LRP2BP: variants seen among roughly 807,000 people sequenced by gnomAD.
LRP2BP encodes LRP2-binding protein.
Under a neutral mutation model 45.2 loss-of-function variants are expected in LRP2BP, and 38 were observed. That is an observed-to-expected ratio of 0.84 (90% CI 0.65 to 1.10). The LOEUF is 1.10. LRP2BP is among the 50% of genes least tolerant of loss of function. The pLI is 0.00. For missense variants in LRP2BP, 385 were observed against 418.9 expected (o/e 0.92, Z 0.71); for synonymous variants, 153 against 153.9 (o/e 0.99, Z 0.04).
chr4:185,373,268 C>T (rs952685264), intron 6 of LRP2BP, among the ~76,000 whole-genome samples, 189 bp from the exon 7 acceptor site: 4 of 152,172 alleles, frequency 2.6e-5, no homozygotes, highest in South Asian at 2.1e-4. Context: ...CGAGTTCCTC[C>T]GCTGTCTGTC....
Position 185,372,962 on chromosome 4 carries a change from A to G in LRP2BP, c.697T>C (p.Cys233Arg), listed in dbSNP as rs1417571570. ...IRQDTEAALQ[C>R]LREAAERGNV... Reference sequence around the variant, plus strand: ...CCGCGTTCTGCTGCTTCTCTTAAGCACTGCAGGGCAGCTTCCGTATCCTGC... The same window carrying G: ...CCGCGTTCTGCTGCTTCTCTTAAGCGCTGCAGGGCAGCTTCCGTATCCTGC... Residue 233 changes from cysteine to arginine, a missense_variant, in exon 7 of 9, where the codon TGC (cysteine) becomes CGC (arginine). By Grantham distance (180) the Cys-to-Arg change is radical. Transcript: ENST00000505916. 6.2e-7 allele frequency: 1 copy of G among 1,613,884 alleles called. No homozygotes were observed. Among genetic ancestry groups the G allele is most frequent in the Non-Finnish European group, 8.5e-7 (1 of 1,179,856 alleles).
chr4:185,393,463 CAACT>C (rs1185431479), intron 1 of LRP2BP, among the ~76,000 whole-genome samples: 1 of 151,612 alleles, frequency 6.6e-6, no homozygotes, highest in Admixed American at 6.6e-5. Flanking sequence ...TCGGTTCCAC[CAACT>C]ACTTTTAATA....
chr4:185,371,314 C>T lies in LRP2BP; in HGVS notation c.804-500G>A, dbSNP rs570835665. ...CAGCACTTTGGGAGGCCAAGGCAGG[C>T]GGATCACGAGGTTAGGAGATTGAGA... On this transcript the variant is annotated intron_variant, in intron 7 of 8. Coordinates refer to ENST00000505916, the MANE Select transcript of LRP2BP (RefSeq NM_001377440.1). 2.4e-3 allele frequency among the ~76,000 whole-genome samples: 363 copies of T among 151,994 alleles called. 1 individual carries two copies. The highest frequency in any genetic ancestry group is 8.0e-3 in the African/African-American group (333 of 41,464).
At chr4:185,386,971 T>C (rs2095473538) in intron 1 of LRP2BP, among the ~76,000 whole-genome samples, 1 of 152,098 alleles carries the variant, frequency 6.6e-6, no homozygotes, top group Non-Finnish European at 1.5e-5. Context: ...GTTGGCAGGG[T>C]GCAGTGGCTC....
Position 185,370,773 on chromosome 4 carries a change from GC to G in LRP2BP, c.844del (p.Ala282ProfsTer49). 1 of 1,614,134 alleles carries G rather than the reference GC, an allele frequency of 6.2e-7. No individual in the cohort carries two copies. The highest frequency in any genetic ancestry group is 8.5e-7 in the Non-Finnish European group (1 of 1,180,014). On this transcript the variant is annotated frameshift_variant, in exon 8 of 9. Transcript: ENST00000505916. LOFTEE classifies it high-confidence loss of function. ...CTCCGGGAGACAGTCTGTGACCTGG[GC>G]GATCATGGGGATGTCGTGAACCTCA... ...YDEVHDIPMI[A>X]QVTDCLPEFI...
Position 185,378,352 on chromosome 4 carries a change from G to A in LRP2BP, c.-21-145C>T, listed in dbSNP as rs774787719. The A allele has an allele frequency of 1.1e-4, 153 of 1,431,298 alleles. 1 individual carries two copies. Among genetic ancestry groups the A allele is most frequent in the South Asian group, 6.1e-4 (39 of 64,458 alleles). 88.7% of individuals were successfully genotyped at this position (1,431,298 alleles called of 1,614,324 possible). On this transcript the variant is annotated intron_variant, in intron 1 of 8. Transcript: ENST00000505916. ...GAACACCAACCACCAACTCCAGGAC[G>A]TGAACATTCTTTACTAGGACACCAA...
intron 4 of LRP2BP, 42 bp downstream of exon 4, chr4:185,375,571 G>A: frequency 1.1e-6 from 1 of 951,674 alleles, no homozygotes; most frequent in Non-Finnish European, 1.5e-6. Flanking sequence ...ATAATCCACT[G>A]ACAATGAAAT....
At chr4:185,396,791 G>A, upstream of LRP2BP, 1 of 988,202 alleles carries the variant, frequency 1.0e-6, no homozygotes, top group Non-Finnish European at 1.6e-6. Context: ...GCCAAGGGCC[G>A]GCCCGGAAGT....
chr4:185,370,007 T>C, intron 8 of LRP2BP: 1 of 201,168 alleles, frequency 5.0e-6, no homozygotes, highest in South Asian at 7.9e-5. Context: ...GTGATGGACC[T>C]AAGATGTGCA....
chr4:185,397,155 T>C, upstream of LRP2BP: 6 of 1,613,414 alleles, frequency 3.7e-6, no homozygotes, highest in Non-Finnish European at 5.1e-6. Context: ...TGCAGGTGGA[T>C]GGTCTGAAGC....
intron 1 of LRP2BP, among the ~76,000 whole-genome samples, chr4:185,386,806 C>T (rs1054541447): frequency 2.0e-5 from 3 of 152,160 alleles, no homozygotes; most frequent in Non-Finnish European, 4.4e-5. Context: ...CTAGTGGTGA[C>T]AAGCTGAGGC....
intron 4 of LRP2BP, 113 bp downstream of exon 4, chr4:185,375,500 A>ATATATATG (rs1554018419): frequency 1.6e-5 from 1 of 61,284 alleles, no homozygotes; most frequent in South Asian, 6.0e-4. Context: ...ATATATATAT[A>ATATATATG]TATATATATA....
chr4:185,391,702 C>G (rs775007380), intron 1 of LRP2BP, among the ~76,000 whole-genome samples: 4 of 152,182 alleles, frequency 2.6e-5, no homozygotes, highest in African/African-American at 9.6e-5. Context: ...TCTGGTACTA[C>G]ACGATGCTCT....
At chr4:185,391,766 G>C (rs149221584) in intron 1 of LRP2BP, among the ~76,000 whole-genome samples, 1 of 152,264 alleles carries the variant, frequency 6.6e-6, no homozygotes, top group Non-Finnish European at 1.5e-5. Context: ...ATGTCTGCAA[G>C]GAGCCCTGGT....
At chr4:185,387,904 G>C (rs887253389) in intron 1 of LRP2BP, among the ~76,000 whole-genome samples, 3 of 152,182 alleles carry the variant, frequency 2.0e-5, no homozygotes, top group African/African-American at 7.2e-5. Flanking sequence ...TGGAATGAAG[G>C]CCTCTGGATA....
Position 185,365,705 on chromosome 4 carries a change from T to C in LRP2BP, c.*1475A>G, listed in dbSNP as rs191134286. ...AAAAAAAAAAAAATAATAATAATAATAATAATAATAATCTTTAGGAACTGG... is the reference window on the plus strand; with the variant it reads ...AAAAAAAAAAAAATAATAATAATAACAATAATAATAATCTTTAGGAACTGG... On this transcript the variant is annotated 3_prime_UTR_variant, in exon 9 of 9. Coordinates refer to ENST00000505916, the MANE Select transcript of LRP2BP (RefSeq NM_001377440.1). The C allele has an allele frequency of 1.4e-5, 2 of 144,314 alleles. No individual in the cohort carries two copies. Among genetic ancestry groups the C allele is most frequent in the Non-Finnish European group, 1.5e-5 (1 of 65,898 alleles). 8.9% of individuals were successfully genotyped at this position (144,314 alleles called of 1,614,324 possible).
At position 185,392,401 on chromosome 4, in the gene LRP2BP, A is replaced by G. The variant is rs562351500; in HGVS notation, c.-22+2378T>C. 7.2e-5 allele frequency among the ~76,000 whole-genome samples: 11 copies of G among 152,316 alleles called. No individual in the cohort carries two copies. In the South Asian group the frequency reaches 2.3e-3, roughly 32 times the overall value. ...TATCCTGTTGCAGCAGTTGTTTAGA[A>G]TAACTATCCAATTTATCATCTTCCC... On this transcript the variant is annotated intron_variant, in intron 1 of 8. Transcript: ENST00000505916.
Position 185,374,170 on chromosome 4 carries a change from A to G in LRP2BP, c.544T>C (p.Tyr182His). 6 of 1,614,162 alleles carry G rather than the reference A, an allele frequency of 3.7e-6. No individual in the cohort carries two copies. Among genetic ancestry groups the G allele is most frequent in the Non-Finnish European group, 5.1e-6 (6 of 1,180,020 alleles). ...SVKAQSMLGL[Y>H]YSTKEPKELE... ...TCCTTGGGCTCCTTGGTTGAGTAAT[A>G]CAGCCCGAGCATACTTTGAGCCTTC... is the stretch of plus-strand genomic sequence containing the variant. The change falls in exon 6 of 9, where the codon TAT (tyrosine) becomes CAT (histidine). Residue 182 changes from tyrosine (Y) to histidine (H), a missense_variant. Physicochemically the swap from Tyr to His is moderately conservative, Grantham distance 83. Transcript: ENST00000505916.
intron 1 of LRP2BP, among the ~76,000 whole-genome samples, chr4:185,390,139 G>T (rs147187442): frequency 6.6e-6 from 1 of 152,064 alleles, no homozygotes; most frequent in African/African-American, 2.4e-5. Context: ...ACAAGTTTTC[G>T]TAGTGACTTG....
Sources: allele counts gnomAD v4.1 joint callset (sites outside exome capture counted in the v4.1 genomes callset), GRCh38; gene constraint gnomAD v4.1.1; transcripts MANE v1.5; gene names NCBI Gene and HGNC (gene_info 2026-07-23, HGNC 2026-07-21).